The following ZNF518A variants were observed in gnomAD, a reference collection of about 807,000 sequenced individuals.
The protein encoded by ZNF518A is zinc finger protein 518A, also known as zinc finger protein 518.
ZNF518A carries 47 observed loss-of-function variants against 102.7 expected under a neutral mutation model. That is an observed-to-expected ratio of 0.46 (90% CI 0.36 to 0.58). The LOEUF (loss-of-function observed/expected upper bound fraction) is 0.58, where lower values mean the gene tolerates loss of function less well. Ranked by LOEUF, ZNF518A falls within the 20% of genes least tolerant of loss-of-function variation. ZNF518A has a pLI of 0.00. For synonymous variants in ZNF518A, 652 were observed against 594.6 expected (o/e 1.10, Z -1.40); for missense variants, 1,793 against 1,699.8 (o/e 1.05, Z -0.96).
At chr10:96,201,186 G>A in intron 1 of ZNF518A, 1 of 822,894 alleles carries the variant, frequency 1.2e-6, no homozygotes, top group Non-Finnish European at 2.0e-6. Context: ...TAAGGCAATG[G>A]TTCCAAAAGT....
chr10:96,190,363 A>C (rs1554893109), intron 1 of ZNF518A: 2 of 515,676 alleles, frequency 3.9e-6, no homozygotes, highest in Admixed American at 3.2e-5. Context: ...CTGTGCCTGC[A>C]TCCAAATTTC....
At chr10:96,165,766 AACTG>A (rs1240032562), downstream of ZNF518A, among the ~76,000 whole-genome samples, 2 of 152,190 alleles carry the variant, frequency 1.3e-5, no homozygotes, top group African/African-American at 4.8e-5. Context: ...AAGCTTCAAA[AACTG>A]ACAACACATT....
intron 1 of ZNF518A, among the ~76,000 whole-genome samples, chr10:96,131,128 A>G (rs587659780): frequency 2.1e-4 from 32 of 152,360 alleles, no homozygotes; most frequent in East Asian, 7.7e-4. Flanking sequence ...AAATAAGTCA[A>G]TGTTCAAGGA....
At chr10:96,183,669 G>A (rs1043422465) in intron 1 of ZNF518A, among the ~76,000 whole-genome samples, 1 of 152,146 alleles carries the variant, frequency 6.6e-6, no homozygotes, top group African/African-American at 2.4e-5. Flanking sequence ...TTGCACTGTG[G>A]TCTGAGAGAC....
At chr10:96,189,783 C>A (rs587660181) in intron 1 of ZNF518A, 4 of 876,420 alleles carry the variant, frequency 4.6e-6, no homozygotes, top group Non-Finnish European at 5.7e-6. Flanking sequence ...TTGCTACCAC[C>A]TCCAGGGACA....
intron 1 of ZNF518A, chr10:96,192,205 G>A: frequency 1.4e-6 from 2 of 1,408,478 alleles, no homozygotes; most frequent in Non-Finnish European, 2.0e-6. Context: ...CACCCCAGCT[G>A]ACATTCTGCA....
chr10:96,137,560 C>A (rs1432887322), intron 3 of ZNF518A, among the ~76,000 whole-genome samples: 2 of 152,186 alleles, frequency 1.3e-5, no homozygotes, highest in African/African-American at 4.8e-5. Context: ...TTGTTCAATC[C>A]CTTATCCAGT....
chr10:96,159,980 G>T lies in ZNF518A; in HGVS notation c.3658G>T (p.Glu1220Ter). 6.2e-7 allele frequency: 1 copy of T among 1,613,520 alleles called. No individual in the cohort carries two copies. The highest frequency in any genetic ancestry group is 8.5e-7 in the Non-Finnish European group (1 of 1,179,700). The change falls in exon 6 of 6, where the codon GAA becomes TAA. Residue 1220 changes from glutamate to a stop codon, truncating the protein, a stop_gained. Coordinates refer to ENST00000316045, the MANE Select transcript of ZNF518A (RefSeq NM_001330736.2). LOFTEE classifies it high-confidence loss of function. Reference protein sequence around the residue: ...STATCPESSEEPICVSDCSES... With the variant: ...STATCPESSE ...TGCAACATGCCCAGAATCTTCTGAG[G>T]AACCAATATGTGTCAGTGACTGTTC...
rs1554886081 is a variant in ZNF518A, at chr10:96,159,454, T to C, written c.3132T>C (p.Thr1044=). Residue 1044 remains threonine, a synonymous_variant, in exon 6 of 6, where the codon ACT becomes ACC. Coordinates refer to ENST00000316045, the MANE Select transcript of ZNF518A (RefSeq NM_001330736.2). ...GCATGAAAAGTAGCTCAGAAAATAC[T>C]TTGCCATTAAAAGGCCCTTACATTT... ...CLSMKSSSEN[T]LPLKGPYILK... is the part of the protein sequence containing the mutation. The C allele has an allele frequency of 2.5e-6, 4 of 1,613,828 alleles. No homozygotes were observed. Among genetic ancestry groups the C allele is most frequent in the Non-Finnish European group, 3.4e-6 (4 of 1,179,796 alleles).
intron 1 of ZNF518A, chr10:96,189,834 C>A (rs2083301184): frequency 8.3e-7 from 1 of 1,205,420 alleles, no homozygotes; most frequent in African/African-American, 1.4e-5. Flanking sequence ...ACATCCTCCT[C>A]CTCTTCATCT....
At chr10:96,182,588 T>C (rs946753816) in intron 1 of ZNF518A, among the ~76,000 whole-genome samples, 2 of 152,200 alleles carry the variant, frequency 1.3e-5, no homozygotes, top group Non-Finnish European at 2.9e-5. Context: ...ATTGAGGTAA[T>C]CGTGTGATTT....
In ZNF518A at chr10:96,200,807, G is replaced by GA. The variant is rs1302015332; in HGVS notation, n.36-2759dup. Among the ~76,000 whole-genome samples, 4 of 151,334 alleles carry GA rather than the reference G, an allele frequency of 2.6e-5. No homozygotes were observed. The highest frequency in any genetic ancestry group is 4.4e-5 in the Non-Finnish European group (3 of 67,844). On this transcript the variant is annotated intron_variant and non_coding_transcript_variant, in intron 1 of 2. Coordinates refer to the ZNF518A transcript ENST00000442635. The surrounding 1 kb of genome is among the most constrained non-coding windows in gnomAD (Gnocchi z 4.3). ...TAACTGGAGCAATGTCTTAGTCATT[G>GA]AAAAAAAACAACAACTGGGTATTCT...
At chr10:96,148,561 C>G (rs1189169298) in intron 3 of ZNF518A, among the ~76,000 whole-genome samples, 16 of 130 alleles carry the variant, frequency 0.12, no homozygotes, top group African/African-American at 0.32. Context: ...TCCAGTAATC[C>G]TCTGGCCTGT....
At position 96,179,884 on chromosome 10, in the gene ZNF518A, AT is replaced by A. The variant is rs35286562; in HGVS notation, n.36-23678del. On this transcript the variant is annotated intron_variant and non_coding_transcript_variant, in intron 1 of 2. Transcript: ENST00000442635. The stretch of plus-strand genomic sequence containing the variant: ...TTTTTTCTTCTTCTTTCTTTCTTTC[AT>A]TTTTTTTTTTTGACATGGAGTCTCG... Among the ~76,000 whole-genome samples, 1,014 of 120,902 alleles carry A rather than the reference AT, an allele frequency of 8.4e-3. 7 individuals are homozygous for A. The highest frequency in any genetic ancestry group is 0.013 in the South Asian group (54 of 4,024). 79.3% of individuals were successfully genotyped at this position (120,902 alleles called of 152,430 possible).
downstream of ZNF518A, chr10:96,204,565 G>A (rs367742561): frequency 2.6e-5 from 42 of 1,613,930 alleles, no homozygotes; most frequent in Middle Eastern, 1.6e-4. Context: ...TGACTGCACA[G>A]CTTCTTGTCT....
intron 3 of ZNF518A, among the ~76,000 whole-genome samples, chr10:96,152,501 T>C (rs782730232): frequency 2.0e-5 from 3 of 152,212 alleles, no homozygotes; most frequent in Admixed American, 6.5e-5. Flanking sequence ...CTGTCAGATA[T>C]CATGTTTGTG....
At chr10:96,139,759 G>T (rs2081818345) in intron 3 of ZNF518A, among the ~76,000 whole-genome samples, 2 of 152,212 alleles carry the variant, frequency 1.3e-5, no homozygotes, top group South Asian at 4.1e-4. Context: ...CCAGTTAGGA[G>T]GATGTTTTCA....
At chr10:96,150,336 A>G (rs376446848) in intron 3 of ZNF518A, among the ~76,000 whole-genome samples, 17 of 35,788 alleles carry the variant, frequency 4.8e-4, no homozygotes, top group South Asian at 2.1e-3. Context: ...TCCATTTCGG[A>G]AAAAAAAAAA....
chr10:96,156,182 T>G lies in ZNF518A; in HGVS notation c.-126-15T>G. ...ATTTTTGTGATGAGAATTTCAATTC[T>G]TTGTTTAATTTTAGGTGAGTTATTG... On this transcript the variant is annotated splice_polypyrimidine_tract_variant and intron_variant, in intron 5 of 5. Coordinates refer to ENST00000316045, the MANE Select transcript of ZNF518A (RefSeq NM_001330736.2). 1 of 698,426 alleles carries G rather than the reference T, an allele frequency of 1.4e-6. No homozygotes were observed. The highest frequency in any genetic ancestry group is 3.0e-5 in the East Asian group (1 of 32,802). 43.3% of individuals were successfully genotyped at this position (698,426 alleles called of 1,614,324 possible).
Sources: allele counts gnomAD v4.1 joint callset (sites outside exome capture counted in the v4.1 genomes callset), GRCh38; gene constraint gnomAD v4.1.1; non-coding constraint Gnocchi (gnomAD v3.1); transcripts MANE v1.5; gene names NCBI Gene and HGNC (gene_info 2026-07-23, HGNC 2026-07-21).